Variants in CSNK1G2 observed in about 807,000 individuals in gnomAD.
The protein encoded by CSNK1G2 is casein kinase 1 gamma 2.
CSNK1G2 carries 11 observed loss-of-function variants against 48.0 expected under a neutral mutation model. The observed-to-expected ratio is 0.23, with a 90% CI of 0.14 to 0.38. The LOEUF is 0.38. Among genes scored for constraint, CSNK1G2 ranks in the 10% least tolerant of loss-of-function variants. The pLI, the probability that CSNK1G2 is intolerant of heterozygous loss-of-function variation, is 1.00. For missense variants in CSNK1G2, 446 were observed against 595.5 expected, an observed-to-expected ratio of 0.75 and a Z score of 2.61; for synonymous variants, 337 against 254.1, an observed-to-expected ratio of 1.33 and a Z score of -3.10.
In CSNK1G2 at chr19:1,957,190, C is replaced by A. The variant is rs1389683975; in HGVS notation, c.-265-12318C>A. Among the ~76,000 whole-genome samples the A allele has an allele frequency of 6.6e-6, 1 of 152,188 alleles. No individual in the cohort carries two copies. Among genetic ancestry groups the A allele is most frequent in the Non-Finnish European group, 1.5e-5 (1 of 68,030 alleles). ...ACCTGGACGCAGGCCCCACCTCCCT[C>A]CAGGCAGCCCCACAGGCCCGAGGGC... On this transcript the variant is annotated intron_variant, in intron 1 of 11. Transcript: ENST00000255641. The surrounding 1 kb of genome is among the most constrained non-coding windows in gnomAD (Gnocchi z 5.4).
chr19:1,956,448 C>T (rs1158675790), intron 1 of CSNK1G2, among the ~76,000 whole-genome samples: 3 of 152,186 alleles, frequency 2.0e-5, no homozygotes, highest in Non-Finnish European at 2.9e-5. Flanking sequence ...ACTCGGGAGG[C>T]GGAGGTTGTA....
rs572247618 is a variant in CSNK1G2, at chr19:1,965,001, C to T, written c.-265-4507C>T. On this transcript the variant is annotated intron_variant, in intron 1 of 11. Coordinates refer to ENST00000255641, the MANE Select transcript of CSNK1G2 (RefSeq NM_001319.7). ...TCGGCCTCCCAAACTGCTGGGATTA[C>T]AGGTGTGAGCCACCGCGCCTGGCCA... 2.0e-5 allele frequency among the ~76,000 whole-genome samples: 3 copies of T among 151,096 alleles called. No individual in the cohort carries two copies. In the East Asian group the frequency reaches 6.0e-4, roughly 30 times the overall value.
rs990417882 is a variant in CSNK1G2 at position 1,951,624 on chromosome 19, A to T, written c.-266+10206A>T. Reference sequence around the variant, plus strand: ...TGGGGGATGCTTGGGTGCCCTCAGGATGTGCAGGCTGGGCGGGAGGAAGCG... The same window carrying T: ...TGGGGGATGCTTGGGTGCCCTCAGGTTGTGCAGGCTGGGCGGGAGGAAGCG... On this transcript the variant is annotated intron_variant, in intron 1 of 11. Coordinates refer to ENST00000255641, the MANE Select transcript of CSNK1G2 (RefSeq NM_001319.7). Among the ~76,000 whole-genome samples the T allele has an allele frequency of 2.8e-4, 40 of 144,082 alleles. 6 individuals carry two copies. The highest frequency in any genetic ancestry group is 1.0e-3 in the African/African-American group (39 of 37,282). The allele number at this position is 144,082 out of a possible 152,430, so 94.5% of individuals were successfully genotyped here. A position where few individuals can be genotyped will look rare whatever the true frequency, so the allele number is the denominator to read the frequency against.
At chr19:1,950,086 C>G (rs560348463) in intron 1 of CSNK1G2, among the ~76,000 whole-genome samples, 47 of 152,230 alleles carry the variant, frequency 3.1e-4, no homozygotes, top group African/African-American at 1.1e-3. Context: ...CCTGGCCTTT[C>G]GAGGCCACAA....
At chr19:1,960,090 C>T (rs1204838090) in intron 1 of CSNK1G2, among the ~76,000 whole-genome samples, 1 of 152,192 alleles carries the variant, frequency 6.6e-6, no homozygotes, top group Non-Finnish European at 1.5e-5. Context: ...CATGTAGGGT[C>T]CGGAGCTTCC....
In CSNK1G2 at chr19:1,980,235, C is replaced by T. The variant is rs2015936142; in HGVS notation, c.*32C>T. On this transcript the variant is annotated 3_prime_UTR_variant, in exon 12 of 12. Coordinates refer to ENST00000255641, the MANE Select transcript of CSNK1G2 (RefSeq NM_001319.7). ...GCGCGTGCAGCCCCCTGAATCTTCTCCGTGCAGCCCCTTGGGGCGCGACCT... is the reference window on the plus strand; with the variant it reads ...GCGCGTGCAGCCCCCTGAATCTTCTTCGTGCAGCCCCTTGGGGCGCGACCT... 2.5e-6 allele frequency: 4 copies of T among 1,611,914 alleles called. No individual in the cohort carries two copies. The highest frequency in any genetic ancestry group is 1.7e-6 in the Non-Finnish European group (2 of 1,179,238).
chr19:1,947,219 C>T lies in CSNK1G2; in HGVS notation c.-266+5801C>T, dbSNP rs138897545. Among the ~76,000 whole-genome samples the T allele has an allele frequency of 8.6e-3, 1,317 of 152,278 alleles. 12 individuals carry two copies. The highest frequency in any genetic ancestry group is 0.013 in the Non-Finnish European group (901 of 68,028). On this transcript the variant is annotated intron_variant, in intron 1 of 11. Transcript: ENST00000255641. ...CCCTCCAGAGTGAGGCACCCCAAGT[C>T]CTGGTCTGGATTCGTGGACAGAGTC...
At chr19:1,965,669 T>A (rs1428527512) in intron 1 of CSNK1G2, among the ~76,000 whole-genome samples, 1 of 151,818 alleles carries the variant, frequency 6.6e-6, no homozygotes, top group Non-Finnish European at 1.5e-5. Context: ...CCCAGCTAAT[T>A]TTTATATTTT....
intron 1 of CSNK1G2, among the ~76,000 whole-genome samples, chr19:1,946,289 T>TATTTATTAATTATTTATTTA (rs56098852): frequency 4.9e-5 from 7 of 143,874 alleles, no homozygotes; most frequent in Admixed American, 1.4e-4. Flanking sequence ...TTTATTTATT[T>TATTTATTAATTATTTATTTA]TTTATTTATT....
intron 2 of CSNK1G2, among the ~76,000 whole-genome samples, chr19:1,973,767 C>T (rs1173071047): frequency 2.0e-5 from 3 of 152,172 alleles, no homozygotes; most frequent in East Asian, 3.8e-4. Context: ...CTGAGATTTC[C>T]CATGTGCACA....
intron 2 of CSNK1G2, among the ~76,000 whole-genome samples, chr19:1,970,758 G>A (rs1420841283): frequency 1.3e-5 from 2 of 152,188 alleles, no homozygotes; most frequent in African/African-American, 2.4e-5. Context: ...GGGGTTGTCC[G>A]GGGAACCCAG....
At chr19:1,971,440 A>G (rs557729479) in intron 2 of CSNK1G2, among the ~76,000 whole-genome samples, 41 of 152,260 alleles carry the variant, frequency 2.7e-4, no homozygotes, top group South Asian at 1.7e-3. Context: ...TTTTCCCAAC[A>G]GGAGCTGTGG....
chr19:1,952,806 C>G (rs116465395), intron 1 of CSNK1G2: 22 of 326,396 alleles, frequency 6.7e-5, no homozygotes, highest in Admixed American at 5.6e-4. Context: ...ACCAAGCCCT[C>G]TCGCCTAGGG....
At chr19:1,978,000 A>C (rs1486708538) in intron 2 of CSNK1G2, among the ~76,000 whole-genome samples, 1 of 142,886 alleles carries the variant, frequency 7.0e-6, no homozygotes, top group Non-Finnish European at 1.5e-5. Flanking sequence ...GGCTGCCTGC[A>C]GGCCGTGAGA....
intron 1 of CSNK1G2, chr19:1,954,618 T>G (rs2014915210): frequency 6.6e-6 from 1 of 152,182 alleles, no homozygotes; most frequent in African/African-American, 2.4e-5. Context: ...GTGACATCAC[T>G]CAGTGGAGAC....
intron 2 of CSNK1G2, chr19:1,975,069 G>A (rs1000117357): frequency 6.9e-5 from 68 of 985,296 alleles, no homozygotes; most frequent in Non-Finnish European, 7.1e-5. Context: ...CACGCCAGCC[G>A]CACACAGCGG....
rs574314518 is a variant in CSNK1G2 at position 1,973,732 on chromosome 19, C to T, written c.187+3773C>T. On this transcript the variant is annotated intron_variant, in intron 2 of 11. Transcript: ENST00000255641. ...ATTGCTTAGTGGCATTTTTCGGTTT[C>T]GTCTGATTGTCCATTCGCTCTCAGC... Among the ~76,000 whole-genome samples the T allele has an allele frequency of 5.9e-5, 9 of 152,290 alleles. No individual in the cohort carries two copies. In the South Asian group the frequency reaches 1.0e-3, roughly 18 times the overall value.
At chr19:1,975,837 A>T (rs1166310566) in intron 2 of CSNK1G2, 1 of 898,370 alleles carries the variant, frequency 1.1e-6, no homozygotes, top group Non-Finnish European at 1.3e-6. Flanking sequence ...GGAGTTCGAG[A>T]CCAGCCTGGA....
intron 1 of CSNK1G2, among the ~76,000 whole-genome samples, chr19:1,948,905 A>G (rs188760227): frequency 6.6e-6 from 1 of 152,332 alleles, no homozygotes; most frequent in Admixed American, 6.5e-5. Context: ...TGGAGACCAG[A>G]ACATGTGGAG....
Sources: allele counts gnomAD v4.1 joint callset (sites outside exome capture counted in the v4.1 genomes callset), GRCh38; gene constraint gnomAD v4.1.1; non-coding constraint Gnocchi (gnomAD v3.1); transcripts MANE v1.5; gene names NCBI Gene and HGNC (gene_info 2026-07-23, HGNC 2026-07-21).